Variants in TENM4 observed in about 807,000 individuals in gnomAD.
TENM4 encodes teneurin-4.
A neutral mutation model predicts 243.3 loss-of-function variants in TENM4; 82 were observed. That is an observed-to-expected ratio of 0.34 (90% CI 0.28 to 0.40). The LOEUF (loss-of-function observed/expected upper bound fraction) is 0.40, where lower values mean the gene tolerates loss of function less well. Among genes scored for constraint, TENM4 ranks in the 10% least tolerant of loss-of-function variants. TENM4 has a pLI of 1.00. For synonymous variants in TENM4, 1,412 were observed against 1,456.3 expected, an observed-to-expected ratio of 0.97 and a Z score of 0.69; for missense variants, 3,138 against 3,673.3, an observed-to-expected ratio of 0.85 and a Z score of 3.77.
intron 29 of TENM4, among the ~76,000 whole-genome samples, chr11:78,685,542 A>G (rs1228894467): frequency 2.0e-5 from 3 of 152,186 alleles, no homozygotes; most frequent in African/African-American, 2.4e-5. Context: ...ATGCCTTTTG[A>G]GCAGTATGAC....
chr11:78,870,955 C>A (rs1362761833), intron 9 of TENM4, among the ~76,000 whole-genome samples: 1 of 152,132 alleles, frequency 6.6e-6, no homozygotes, highest in Non-Finnish European at 1.5e-5. Context: ...GGCACCTTTC[C>A]CCGGGTGGGC....
intron 1 of TENM4, among the ~76,000 whole-genome samples, chr11:79,379,815 G>C (rs1214854762): frequency 6.6e-6 from 1 of 152,162 alleles, no homozygotes; most frequent in Non-Finnish European, 1.5e-5. Flanking sequence ...GGCTGAGGGT[G>C]GTGAGGGAGA....
intron 29 of TENM4, among the ~76,000 whole-genome samples, chr11:78,685,983 CA>C (rs1858658053): frequency 6.6e-6 from 1 of 152,244 alleles, no homozygotes; most frequent in Admixed American, 6.5e-5. Context: ...GACTCAGAAG[CA>C]GGCCTTAGGA....
chr11:79,152,983 T>C (rs1277364385), intron 3 of TENM4, among the ~76,000 whole-genome samples: 3 of 152,256 alleles, frequency 2.0e-5, no homozygotes, highest in Non-Finnish European at 4.4e-5. Context: ...TTTGTTCTTC[T>C]AAAGATTCTG....
rs534246625 is a variant in TENM4, at chr11:79,249,600, G to T, written c.-264-33691C>A. Among the ~76,000 whole-genome samples the T allele has an allele frequency of 6.4e-4, 97 of 152,262 alleles. 1 individual carries two copies. The highest frequency in any genetic ancestry group is 1.2e-3 in the Non-Finnish European group (82 of 68,026). On this transcript the variant is annotated intron_variant, in intron 2 of 33. Transcript: ENST00000278550. ...CAAAAAGCCTCTCAGCAACCCAAAGGTATCGCAATATTCACACGCAGTATT... is the reference window on the plus strand; with the variant it reads ...CAAAAAGCCTCTCAGCAACCCAAAGTTATCGCAATATTCACACGCAGTATT...
chr11:79,132,344 T>TAAAAAAAAAAAAAAAA (rs1565216680), intron 4 of TENM4, among the ~76,000 whole-genome samples: 1 of 3,438 alleles, frequency 2.9e-4, no homozygotes. Context: ...AGACTCCAAC[T>TAAAAAAAAAAAAAAAA]CAAAAAAAAA....
chr11:78,966,058 G>T (rs1047668400), intron 6 of TENM4, among the ~76,000 whole-genome samples: 1 of 152,044 alleles, frequency 6.6e-6, no homozygotes, highest in African/African-American at 2.4e-5. Flanking sequence ...GCAGGGTAGG[G>T]TCACATTGAG....
At chr11:79,198,520 C>T (rs1025953785) in intron 3 of TENM4, among the ~76,000 whole-genome samples, 3 of 152,208 alleles carry the variant, frequency 2.0e-5, no homozygotes, top group African/African-American at 7.2e-5. Flanking sequence ...TTATTTCCTC[C>T]CCTCTAAAAT....
At chr11:79,230,006 T>C (rs1310077139) in intron 2 of TENM4, among the ~76,000 whole-genome samples, 2 of 151,768 alleles carry the variant, frequency 1.3e-5, no homozygotes, top group Admixed American at 6.6e-5. Flanking sequence ...TTTTTTTTTT[T>C]TTTTTTTGTA....
chr11:78,904,490 G>A (rs2511132), intron 6 of TENM4, among the ~76,000 whole-genome samples: 146,244 of 152,150 alleles, frequency 0.96, 70,456 homozygotes, highest in Non-Finnish European at 1. Context: ...GGGTGGCCAC[G>A]TAACGAGAAA....
At chr11:78,863,187 T>C in intron 9 of TENM4, 55 bp from the exon 10 acceptor site, 1 of 1,429,754 alleles carries the variant, frequency 7.0e-7, no homozygotes, top group Non-Finnish European at 9.3e-7. Context: ...GAAACGGGAC[T>C]CCCAAGCCAT....
intron 12 of TENM4, among the ~76,000 whole-genome samples, chr11:78,821,479 G>A (rs1857731721): frequency 6.6e-6 from 1 of 152,146 alleles, no homozygotes; most frequent in Non-Finnish European, 1.5e-5. Context: ...TGTTTCCTTT[G>A]CCTCTATTTT....
At chr11:78,797,928 T>G (rs1012452980) in intron 15 of TENM4, among the ~76,000 whole-genome samples, 1 of 152,226 alleles carries the variant, frequency 6.6e-6, no homozygotes, top group African/African-American at 2.4e-5. Flanking sequence ...TGTTTCCTTT[T>G]GATGTTTAAT....
chr11:79,423,535 ATTTTTTTTTTTTT>A (rs67697266), intron 1 of TENM4, among the ~76,000 whole-genome samples: 3 of 114,130 alleles, frequency 2.6e-5, no homozygotes, highest in African/African-American at 6.5e-5. Flanking sequence ...TTACAAGTGC[ATTTTTTTTTTTTT>A]TTTTTTTTTT....
At chr11:79,410,702 C>T (rs548400813) in intron 1 of TENM4, among the ~76,000 whole-genome samples, 13 of 152,288 alleles carry the variant, frequency 8.5e-5, no homozygotes, top group African/African-American at 3.1e-4. Flanking sequence ...GAGGCCATCT[C>T]AAAATTAGGA....
chr11:79,325,209 G>A (rs925624026), intron 1 of TENM4, among the ~76,000 whole-genome samples: 1 of 152,178 alleles, frequency 6.6e-6, no homozygotes, highest in Non-Finnish European at 1.5e-5. Flanking sequence ...CTGGGCTGGA[G>A]GTGTGGGGTC....
At chr11:78,711,149 T>C (rs1477028464) in intron 26 of TENM4, among the ~76,000 whole-genome samples, 1 of 152,156 alleles carries the variant, frequency 6.6e-6, no homozygotes, top group Admixed American at 6.5e-5. Context: ...AAATCATAAT[T>C]AGGCGGGATT....
chr11:79,413,629 C>T (rs1260370369), intron 1 of TENM4, among the ~76,000 whole-genome samples: 1 of 151,952 alleles, frequency 6.6e-6, no homozygotes, highest in African/African-American at 2.4e-5. Context: ...GTTGGTTCAA[C>T]ATACCAACCA....
chr11:79,247,416 C>CAAAA (rs34265803), intron 2 of TENM4, among the ~76,000 whole-genome samples: 6 of 81,330 alleles, frequency 7.4e-5, no homozygotes, highest in Non-Finnish European at 4.9e-5. Flanking sequence ...GACTCTGTCT[C>CAAAA]AAAAAAAAAA....
Sources: gnomAD v4.1 joint callset for allele counts (sites outside exome capture counted in the v4.1 genomes callset) on GRCh38, gnomAD v4.1.1 for gene constraint, MANE v1.5 for transcripts, NCBI Gene and HGNC (gene_info 2026-07-23, HGNC 2026-07-21) for gene names.